PAK2: variants seen among roughly 807,000 people sequenced by gnomAD.
PAK2 encodes p21 (RAC1) activated kinase 2, also known as serine/threonine-protein kinase PAK 2.
In PAK2, 21 loss-of-function variants were observed where a neutral mutation model predicts 65.9. The observed-to-expected ratio is 0.32, with a 90% CI of 0.23 to 0.46. The LOEUF (loss-of-function observed/expected upper bound fraction) is 0.46, where lower values mean the gene tolerates loss of function less well. Among genes scored for constraint, PAK2 ranks in the 20% least tolerant of loss-of-function variants. The pLI, the probability that PAK2 is intolerant of heterozygous loss-of-function variation, is 1.00. For synonymous variants in PAK2, 204 were observed against 219.7 expected, an observed-to-expected ratio of 0.93 and a Z score of 0.63; for missense variants, 324 against 642.6, an observed-to-expected ratio of 0.50 and a Z score of 5.36.
intron 3 of PAK2, 123 bp downstream of exon 3, chr3:196,802,150 G>C (rs1345787155): frequency 3.0e-6 from 2 of 658,018 alleles, no homozygotes; most frequent in Non-Finnish European, 5.5e-6. Flanking sequence ...TGTAATCCCA[G>C]CACTTTGGGA....
At chr3:196,817,155 A>ATTT (rs1560117016) in intron 11 of PAK2, among the ~76,000 whole-genome samples, 1 of 127,542 alleles carries the variant, frequency 7.8e-6, no homozygotes, top group African/African-American at 3.0e-5. Context: ...TGAAAGAGGC[A>ATTT]ATTTTTTTTT....
intron 1 of PAK2, among the ~76,000 whole-genome samples, chr3:196,775,041 A>C (rs1162322621): frequency 6.6e-6 from 1 of 152,232 alleles, no homozygotes; most frequent in African/African-American, 2.4e-5. Context: ...TAGAGGCATC[A>C]GTATTGTATC....
intron 1 of PAK2, among the ~76,000 whole-genome samples, chr3:196,742,875 G>A (rs140840974): frequency 0.015 from 2,276 of 152,254 alleles, 51 homozygotes; most frequent in African/African-American, 0.052. Flanking sequence ...AGTCGAGATC[G>A]CGCCACTGCA....
chr3:196,821,847 G>C (rs959960023), intron 13 of PAK2, among the ~76,000 whole-genome samples: 2 of 152,198 alleles, frequency 1.3e-5, no homozygotes, highest in Non-Finnish European at 2.9e-5. Flanking sequence ...TGGGTACAGA[G>C]CCAAGAGAAT....
At position 196,832,411 on chromosome 3, in the gene PAK2, A is replaced by T. The variant is rs1317164344; in HGVS notation, c.*4006A>T. The T allele has an allele frequency of 3.3e-5, 5 of 152,122 alleles. No individual in the cohort carries two copies. The highest frequency in any genetic ancestry group is 1.2e-4 in the African/African-American group (5 of 41,420). 9.4% of individuals were successfully genotyped at this position (152,122 alleles called of 1,614,324 possible). On this transcript the variant is annotated 3_prime_UTR_variant, in exon 15 of 15. Transcript: ENST00000327134. ...CCGTTCAATTATTTAATTGTTATAC[A>T]TTGACATTAACTGCTGTATTTTGAC...
chr3:196,793,639 C>T (rs532253045), intron 2 of PAK2, among the ~76,000 whole-genome samples: 2 of 151,896 alleles, frequency 1.3e-5, no homozygotes, highest in Non-Finnish European at 2.9e-5. Flanking sequence ...AGAAAAAAAA[C>T]CCCAAACTGC....
chr3:196,791,813 A>C lies in PAK2; in HGVS notation c.187+8980A>C, dbSNP rs990494096. Among the ~76,000 whole-genome samples the C allele has an allele frequency of 4.0e-5, 6 of 151,882 alleles. No individual in the cohort carries two copies. The highest frequency in any genetic ancestry group is 1.5e-4 in the African/African-American group (6 of 41,350). ...GTGGCGGGCCCCTGTAGTCCCAGCTACTCGGGAGGCTGAGGCAGGAGAATG... is the reference window on the plus strand; with the variant it reads ...GTGGCGGGCCCCTGTAGTCCCAGCTCCTCGGGAGGCTGAGGCAGGAGAATG... On this transcript the variant is annotated intron_variant, in intron 2 of 14. Coordinates refer to ENST00000327134, the MANE Select transcript of PAK2 (RefSeq NM_002577.4). The surrounding 1 kb of genome is among the most constrained non-coding windows in gnomAD (Gnocchi z 4.0).
At chr3:196,800,324 G>T (rs1715382374) in intron 2 of PAK2, among the ~76,000 whole-genome samples, 1 of 152,172 alleles carries the variant, frequency 6.6e-6, no homozygotes. Flanking sequence ...AGAGGTTGCA[G>T]TGAGCTGAGA....
chr3:196,811,357 C>CCCTTCCCTTCCCTTCCTTCCCTTCCTT (rs1553808568), intron 8 of PAK2, among the ~76,000 whole-genome samples: 1 of 5,206 alleles, frequency 1.9e-4, no homozygotes, highest in Non-Finnish European at 3.1e-4. Flanking sequence ...TTCCTTCCCT[C>CCCTTCCCTTCCCTTCCTTCCCTTCCTT]CCTTCCCTTC....
rs1712125025 is a variant in PAK2, at chr3:196,832,526, T to C, written c.*4121T>C. The C allele has an allele frequency of 6.6e-6, 1 of 152,140 alleles. No individual in the cohort carries two copies. Among genetic ancestry groups the C allele is most frequent in the Non-Finnish European group, 1.5e-5 (1 of 68,010 alleles). 9.4% of individuals were successfully genotyped at this position (152,140 alleles called of 1,614,324 possible). ...CCCTTTCCTAAACTTTTATTCTTTC[T>C]TTTGATCAGCGTAAAAGAATATTTT... On this transcript the variant is annotated 3_prime_UTR_variant, in exon 15 of 15. Transcript: ENST00000327134.
intron 3 of PAK2, among the ~76,000 whole-genome samples, chr3:196,802,653 G>A (rs906439897): frequency 3.9e-5 from 6 of 152,030 alleles, no homozygotes; most frequent in Non-Finnish European, 2.9e-5. Flanking sequence ...AACTATCCTG[G>A]CTAACATGGT....
intron 5 of PAK2, 92 bp downstream of exon 5, chr3:196,805,475 T>G: frequency 3.0e-6 from 2 of 664,072 alleles, no homozygotes; most frequent in Non-Finnish European, 5.1e-6. Flanking sequence ...TAAAATAAAT[T>G]ACAGCCATCA....
At chr3:196,769,821 A>G (rs1300870875) in intron 1 of PAK2, among the ~76,000 whole-genome samples, 1 of 44,890 alleles carries the variant, frequency 2.2e-5, no homozygotes, top group African/African-American at 5.5e-5. Context: ...TGTCTCAAAA[A>G]AGAAAAAGAA....
Position 196,818,041 on chromosome 3 carries a change from T to A in PAK2, c.1054-16T>A. 9.1e-7 allele frequency: 1 copy of A among 1,094,980 alleles called. No homozygotes were observed. Among genetic ancestry groups the A allele is most frequent in the Non-Finnish European group, 1.4e-6 (1 of 711,798 alleles). The allele number at this position is 1,094,980 out of a possible 1,614,324, so 67.8% of individuals were successfully genotyped here. ...TCAGGGACTATTTCATTAATAGGTG[T>A]TTTTCTTCTGTTCAGTGTTTACAGG... On this transcript the variant is annotated splice_polypyrimidine_tract_variant and intron_variant, in intron 11 of 14. Coordinates refer to ENST00000327134, the MANE Select transcript of PAK2 (RefSeq NM_002577.4).
At chr3:196,817,604 C>T (rs951085531) in intron 11 of PAK2, among the ~76,000 whole-genome samples, 3 of 152,104 alleles carry the variant, frequency 2.0e-5, no homozygotes. Flanking sequence ...CCACCCGCCT[C>T]GGTCTCCCAA....
intron 5 of PAK2, 38 bp from the exon 6 acceptor site, chr3:196,806,541 T>C: frequency 7.9e-7 from 1 of 1,269,282 alleles, no homozygotes; most frequent in South Asian, 1.2e-5. Context: ...TTAAGCCTAT[T>C]GGACTTGTTT....
chr3:196,819,780 G>A (rs545059557), intron 12 of PAK2, among the ~76,000 whole-genome samples: 1 of 152,218 alleles, frequency 6.6e-6, no homozygotes, highest in Non-Finnish European at 1.5e-5. Flanking sequence ...TGCTGGTGGC[G>A]ACCTTAGGCT....
Position 196,832,014 on chromosome 3 carries a change from A to G in PAK2, c.*3609A>G, listed in dbSNP as rs535889608. 1.2e-4 allele frequency: 18 copies of G among 152,270 alleles called. No individual in the cohort carries two copies. The highest frequency in any genetic ancestry group is 3.6e-4 in the African/African-American group (15 of 41,564). The allele number at this position is 152,270 out of a possible 1,614,324, so 9.4% of individuals were successfully genotyped here. A position where few individuals can be genotyped will look rare whatever the true frequency, so the allele number is the denominator to read the frequency against. On this transcript the variant is annotated 3_prime_UTR_variant, in exon 15 of 15. Coordinates refer to ENST00000327134, the MANE Select transcript of PAK2 (RefSeq NM_002577.4). ...ATACACACATTCTTTTTTCTCAGTC[A>G]ACACATTGATTGAACACTCTGGCAA...
chr3:196,817,245 A>G (rs1711510443), intron 11 of PAK2, among the ~76,000 whole-genome samples: 2 of 143,804 alleles, frequency 1.4e-5, no homozygotes, highest in African/African-American at 5.2e-5. Flanking sequence ...GCTTACTGCA[A>G]TCTCTGCCTC....
Sources: gnomAD v4.1 joint callset for allele counts (sites outside exome capture counted in the v4.1 genomes callset) on GRCh38, gnomAD v4.1.1 for gene constraint, Gnocchi (gnomAD v3.1) non-coding constraint, MANE v1.5 for transcripts, NCBI Gene and HGNC (gene_info 2026-07-23, HGNC 2026-07-21) for gene names.